GSG1L: variants seen among roughly 807,000 people sequenced by gnomAD.
The protein encoded by GSG1L is GSG1 like.
Under a neutral mutation model 42.1 loss-of-function variants are expected in GSG1L, and 24 were observed. That is an observed-to-expected ratio of 0.57 (90% CI 0.41 to 0.80). The LOEUF (loss-of-function observed/expected upper bound fraction) is 0.80. Among genes scored for constraint, GSG1L ranks in the 30% least tolerant of loss-of-function variants. The pLI, the probability that GSG1L is intolerant of heterozygous loss-of-function variation, is 0.00. For synonymous variants in GSG1L, 215 were observed against 203.5 expected, an observed-to-expected ratio of 1.06 and a Z score of -0.48; for missense variants, 445 against 472.2, an observed-to-expected ratio of 0.94 and a Z score of 0.53.
intron 6 of GSG1L, among the ~76,000 whole-genome samples, chr16:27,794,903 G>C (rs998020317): frequency 6.6e-6 from 1 of 151,990 alleles, no homozygotes; most frequent in Non-Finnish European, 1.5e-5. Flanking sequence ...AATGCTGCCT[G>C]CTCTGGGAAG....
At chr16:27,986,171 G>A (rs1476991001) in intron 1 of GSG1L, among the ~76,000 whole-genome samples, 1 of 152,112 alleles carries the variant, frequency 6.6e-6, no homozygotes, top group African/African-American at 2.4e-5. Context: ...ATTGCCGCAG[G>A]GAGGCTACTC....
At position 27,911,265 on chromosome 16, in the gene GSG1L, C is replaced by CGCTT. The variant is rs1303441053; in HGVS notation, c.398-26628_398-26627insAAGC. Among the ~76,000 whole-genome samples, 52 of 120,346 alleles carry CGCTT rather than the reference C, an allele frequency of 4.3e-4. No individual in the cohort carries two copies. In the Middle Eastern group the frequency reaches 0.011, roughly 26 times the overall value. 79.0% of individuals were successfully genotyped at this position (120,346 alleles called of 152,430 possible). On this transcript the variant is annotated intron_variant, in intron 2 of 6. Coordinates refer to ENST00000447459, the MANE Select transcript of GSG1L (RefSeq NM_001109763.2). ...TTCTCTAGCCTCATCACCTCTCTCTCGCTCTCTCTCTCTCTCTCTCTCTCT... is the reference window on the plus strand; with the variant it reads ...TTCTCTAGCCTCATCACCTCTCTCTCGCTTGCTCTCTCTCTCTCTCTCTCTCTCT...
intron 3 of GSG1L, among the ~76,000 whole-genome samples, chr16:27,870,336 ATCTGTCTCTCCT>A (rs1489028228): frequency 8.4e-6 from 1 of 119,448 alleles, no homozygotes; most frequent in Non-Finnish European, 1.7e-5. Flanking sequence ...GTCTCCCTCC[ATCTGTCTCTCCT>A]TCTGTCTCTC....
rs142273413 is a variant in GSG1L at position 28,025,078 on chromosome 16, A to C, written c.349+37998T>G. On this transcript the variant is annotated intron_variant, in intron 1 of 6. Coordinates refer to ENST00000447459, the MANE Select transcript of GSG1L (RefSeq NM_001109763.2). ...CTGTGCAGAACCAAGAGAAAGCCCC[A>C]CTCCAAGGTTCTGAAAGCCAACCTT... Among the ~76,000 whole-genome samples, 324 of 152,192 alleles carry C rather than the reference A, an allele frequency of 2.1e-3. 1 individual carries two copies. Among genetic ancestry groups the C allele is most frequent in the African/African-American group, 7.6e-3 (317 of 41,534 alleles).
intron 1 of GSG1L, among the ~76,000 whole-genome samples, chr16:28,025,443 G>A (rs536419908): frequency 5.3e-5 from 8 of 152,276 alleles, no homozygotes; most frequent in South Asian, 2.1e-4. Flanking sequence ...TCCAGTTTTC[G>A]TGCCTTTCCT....
Position 27,799,287 on chromosome 16 carries a change from A to G in GSG1L, c.899-7820T>C, listed in dbSNP as rs980845189. Among the ~76,000 whole-genome samples, 5 of 142,734 alleles carry G rather than the reference A, an allele frequency of 3.5e-5. No homozygotes were observed. The Admixed American group carries it at 3.7e-4, about 10-fold the overall frequency. The allele number at this position is 142,734 out of a possible 152,430, so 93.6% of individuals were successfully genotyped here. A position where few individuals can be genotyped will look rare whatever the true frequency, so the allele number is the denominator to read the frequency against. On this transcript the variant is annotated intron_variant, in intron 6 of 6. Coordinates refer to ENST00000447459, the MANE Select transcript of GSG1L (RefSeq NM_001109763.2). ...GGCGGCTCACGCCTGTAATCTCATC[A>G]CTTTGGGAGTCCAAGGCAGGATTAT... is the stretch of plus-strand genomic sequence containing the variant.
intron 5 of GSG1L, among the ~76,000 whole-genome samples, chr16:27,811,939 C>T (rs1468316317): frequency 6.6e-6 from 1 of 152,222 alleles, no homozygotes; most frequent in Non-Finnish European, 1.5e-5. Context: ...GCGTGAGCCA[C>T]CATGCCTGGT....
chr16:28,020,609 C>T (rs1436342297), intron 1 of GSG1L, among the ~76,000 whole-genome samples: 4 of 152,146 alleles, frequency 2.6e-5, no homozygotes, highest in Non-Finnish European at 4.4e-5. Context: ...TCCTGGTCTG[C>T]CTGCCCTTTT....
At chr16:27,939,065 CA>C (rs1393443839) in intron 2 of GSG1L, among the ~76,000 whole-genome samples, 3 of 151,090 alleles carry the variant, frequency 2.0e-5, no homozygotes, top group Admixed American at 6.6e-5. Flanking sequence ...ATTCCAACTG[CA>C]AAAAAAGAAA....
chr16:27,927,622 T>G (rs2084609761), intron 2 of GSG1L, among the ~76,000 whole-genome samples: 1 of 152,070 alleles, frequency 6.6e-6, no homozygotes, highest in South Asian at 2.1e-4. Flanking sequence ...ATTAGAACAC[T>G]TTCCCCACCT....
chr16:27,982,410 A>G (rs1313560397), intron 1 of GSG1L, among the ~76,000 whole-genome samples: 2 of 152,128 alleles, frequency 1.3e-5, no homozygotes, highest in African/African-American at 4.8e-5. Context: ...TCACGTGACT[A>G]GTTCCTGCCA....
At chr16:27,928,517 GAAAACAAAACAAAAC>G (rs71985960) in intron 2 of GSG1L, among the ~76,000 whole-genome samples, 1 of 150,762 alleles carries the variant, frequency 6.6e-6, no homozygotes, top group African/African-American at 2.4e-5. Context: ...GAAAAGAAAA[GAAAACAAAACAAAAC>G]AAAACAAAAC....
intron 1 of GSG1L, among the ~76,000 whole-genome samples, chr16:28,021,732 T>C (rs900927131): frequency 1.3e-5 from 2 of 152,228 alleles, no homozygotes; most frequent in Non-Finnish European, 2.9e-5. Context: ...GGTGGGTACC[T>C]TTCTAACCCT....
At chr16:28,062,017 C>T (rs2086347090) in intron 1 of GSG1L, among the ~76,000 whole-genome samples, 1 of 152,192 alleles carries the variant, frequency 6.6e-6, no homozygotes. Context: ...CTGCTGTAAC[C>T]CACCCTTGAG....
chr16:27,846,467 T>C (rs1418065036), intron 3 of GSG1L, among the ~76,000 whole-genome samples: 1 of 151,988 alleles, frequency 6.6e-6, no homozygotes, highest in Non-Finnish European at 1.5e-5. Context: ...ACCCAGAAGG[T>C]GGACTTAGCC....
intron 1 of GSG1L, among the ~76,000 whole-genome samples, chr16:28,016,087 T>C (rs969111815): frequency 3.9e-5 from 6 of 152,192 alleles, no homozygotes; most frequent in African/African-American, 1.4e-4. Context: ...ACCTCCAGGC[T>C]CAAGTGATTT....
chr16:27,874,822 T>C (rs529026604), intron 3 of GSG1L, among the ~76,000 whole-genome samples: 2 of 152,324 alleles, frequency 1.3e-5, no homozygotes, highest in South Asian at 4.1e-4. Flanking sequence ...TGAATCATTC[T>C]AGTGAATTAT....
At chr16:27,955,966 G>T (rs1447731228) in intron 2 of GSG1L, among the ~76,000 whole-genome samples, 1 of 149,100 alleles carries the variant, frequency 6.7e-6, no homozygotes, top group Non-Finnish European at 1.5e-5. Context: ...GGACAGGAGG[G>T]AGGGAGGGAG....
intron 3 of GSG1L, among the ~76,000 whole-genome samples, chr16:27,867,255 T>TGCAG (rs1240327096): frequency 6.6e-6 from 1 of 152,186 alleles, no homozygotes; most frequent in Non-Finnish European, 1.5e-5. Flanking sequence ...GCAGTGCTTA[T>TGCAG]GCAGGCAGGC....
Sources: allele counts gnomAD v4.1 joint callset (sites outside exome capture counted in the v4.1 genomes callset), GRCh38; gene constraint gnomAD v4.1.1; transcripts MANE v1.5; gene names NCBI Gene and HGNC (gene_info 2026-07-23, HGNC 2026-07-21).